The following CCDC18 variants were observed in gnomAD, a reference collection of about 807,000 sequenced individuals.
CCDC18 encodes the protein coiled-coil domain containing 18, also known as coiled-coil domain-containing protein 18.
CCDC18 carries 157 observed loss-of-function variants against 196.0 expected under a neutral mutation model. The ratio of observed to expected loss-of-function variants is 0.80; its 90% CI spans 0.70 to 0.91. The LOEUF is 0.91. CCDC18 is among the 40% of genes least tolerant of loss of function. The pLI is 0.00. For synonymous variants in CCDC18, 482 were observed against 529.2 expected (o/e 0.91, Z 1.22); for missense variants, 1,465 against 1,611.6 (o/e 0.91, Z 1.56).
chr1:93,253,184 C>T (rs1005300684), intron 23 of CCDC18, among the ~76,000 whole-genome samples: 4 of 152,184 alleles, frequency 2.6e-5, no homozygotes, highest in Admixed American at 6.5e-5. Flanking sequence ...ATTTCCCCAA[C>T]GACAGTGTGA....
chr1:93,278,630 A>T lies in CCDC18; in HGVS notation c.*153A>T, dbSNP rs1448473265. ...TTAAAAGAAAGCCCTTCTAAAACTTAATTATATTTTTAAAGAAAATTTATT... is the reference window on the plus strand; with the variant it reads ...TTAAAAGAAAGCCCTTCTAAAACTTTATTATATTTTTAAAGAAAATTTATT... On this transcript the variant is annotated 3_prime_UTR_variant, in exon 29 of 29. Coordinates refer to ENST00000690025, the MANE Select transcript of CCDC18 (RefSeq NM_001378204.1). 1.1e-5 allele frequency: 4 copies of T among 352,414 alleles called. No homozygotes were observed. Among genetic ancestry groups the T allele is most frequent in the African/African-American group, 2.1e-5 (1 of 46,950 alleles). 21.8% of individuals were successfully genotyped at this position (352,414 alleles called of 1,614,324 possible).
intron 7 of CCDC18, 126 bp downstream of exon 7, chr1:93,202,114 T>C (rs1190338557): frequency 5.5e-6 from 3 of 547,600 alleles, no homozygotes; most frequent in African/African-American, 3.9e-5. Context: ...TACAAAATCA[T>C]TTAAATAAAC....
Position 93,183,385 on chromosome 1 carries a change from C to G in CCDC18, c.24C>G (p.Tyr8Ter), listed in dbSNP as rs1650067481. 6.3e-7 allele frequency: 1 copy of G among 1,587,264 alleles called. No individual in the cohort carries two copies. The highest frequency in any genetic ancestry group is 1.7e-5 in the Admixed American group (1 of 57,792). ...AAATGGAATCTAGTTCATCAGACTACTATAATAAAGACAATGAAGAGGAAA... is the reference window on the plus strand; with the variant it reads ...AAATGGAATCTAGTTCATCAGACTAGTATAATAAAGACAATGAAGAGGAAA... MESSSSD[Y>*]YNKDNEEESL... The change falls in exon 2 of 29, where the codon TAC becomes TAG. Residue 8 changes from tyrosine to a stop codon, truncating the protein, a stop_gained. Transcript: ENST00000690025. LOFTEE classifies it high-confidence loss of function.
intron 23 of CCDC18, among the ~76,000 whole-genome samples, chr1:93,252,776 C>T (rs1320277364): frequency 6.6e-6 from 1 of 152,224 alleles, no homozygotes; most frequent in Non-Finnish European, 1.5e-5. Context: ...GGAGGCCCTT[C>T]CAGGAATTTA....
chr1:93,180,228 G>A, upstream of CCDC18: 1 of 1,611,424 alleles, frequency 6.2e-7, no homozygotes, highest in Non-Finnish European at 8.5e-7. Context: ...AGGGCAGCCA[G>A]ATCTTGTCGC....
At chr1:93,273,433 G>A (rs1037516114) in intron 28 of CCDC18, 1 of 152,156 alleles carries the variant, frequency 6.6e-6, no homozygotes, top group Admixed American at 6.5e-5. Flanking sequence ...TAAGATATTG[G>A]ATATTTAAGA....
rs758184693 is a variant in CCDC18, at chr1:93,201,927, C to A, written c.734C>A (p.Ala245Asp). The change falls in exon 7 of 29, where the codon GCC becomes GAC. Residue 245 changes from alanine (A) to aspartate (D), a missense_variant. Transcript: ENST00000690025. Reference protein sequence around the residue: ...ERQRNEALYNAEELSKAFQQY... With the variant: ...ERQRNEALYNDEELSKAFQQY... ...CAAAGGAATGAAGCACTATATAATG[C>A]CGAAGAGCTGAGTAAAGCTTTCCAA... 20 of 1,607,362 alleles carry A rather than the reference C, an allele frequency of 1.2e-5. No individual in the cohort carries two copies.
chr1:93,218,456 G>A (rs1656855468), intron 14 of CCDC18, among the ~76,000 whole-genome samples: 1 of 151,956 alleles, frequency 6.6e-6, no homozygotes, highest in Admixed American at 6.6e-5. Context: ...TAAAAGTTAT[G>A]TGAAAACTTG....
At chr1:93,256,615 G>T in intron 25 of CCDC18, 77 bp downstream of exon 25, 4 of 1,198,870 alleles carry the variant, frequency 3.3e-6, no homozygotes, top group Non-Finnish European at 4.8e-6. Flanking sequence ...GTAGAATATA[G>T]TTCTTTCAAA....
intron 23 of CCDC18, among the ~76,000 whole-genome samples, chr1:93,248,164 A>G (rs1246732244): frequency 6.6e-6 from 1 of 151,104 alleles, no homozygotes; most frequent in Admixed American, 6.6e-5. Flanking sequence ...ACAGGTGCCC[A>G]CCACCACGCT....
chr1:93,216,694 T>C lies in CCDC18; in HGVS notation c.1778T>C (p.Val593Ala). 6.3e-7 allele frequency: 1 copy of C among 1,589,092 alleles called. No homozygotes were observed. The highest frequency in any genetic ancestry group is 8.5e-7 in the Non-Finnish European group (1 of 1,170,318). The change falls in exon 13 of 29, where the codon GTT becomes GCT. Residue 593 changes from valine (V) to alanine (A), a missense_variant. Val to Ala is a moderately conservative substitution (Grantham distance 64, BLOSUM62 0). Transcript: ENST00000690025. ...TLEKQLEEKI[V>A]AYSSIAAKNA... is the part of the protein sequence containing the mutation. ...GAGAAACAGCTGGAAGAAAAGATAG[T>C]TGCTTATTCCTCTATTGCTGCAAAA...
At chr1:93,234,376 G>C (rs941572610) in intron 18 of CCDC18, among the ~76,000 whole-genome samples, 1 of 151,918 alleles carries the variant, frequency 6.6e-6, no homozygotes, top group African/African-American at 2.4e-5. Context: ...TGGCCAGGAT[G>C]GTCTTGATCT....
intron 7 of CCDC18, among the ~76,000 whole-genome samples, chr1:93,202,874 G>A (rs1266810132): frequency 3.9e-5 from 6 of 152,180 alleles, no homozygotes; most frequent in African/African-American, 1.2e-4. Flanking sequence ...ATAAGAGGTA[G>A]GTGTGGTAGG....
intron 27 of CCDC18, among the ~76,000 whole-genome samples, chr1:93,265,928 T>A (rs1664444262): frequency 6.6e-6 from 1 of 152,104 alleles, no homozygotes; most frequent in African/African-American, 2.4e-5. Flanking sequence ...TGAACTCAGC[T>A]CTGCACCAAG....
chr1:93,212,084 C>T lies in CCDC18; in HGVS notation c.1335-17C>T, dbSNP rs764645173. The T allele has an allele frequency of 1.4e-5, 22 of 1,583,838 alleles. No individual in the cohort carries two copies. Among genetic ancestry groups the T allele is most frequent in the Non-Finnish European group, 1.6e-5 (19 of 1,170,110 alleles). On this transcript the variant is annotated splice_polypyrimidine_tract_variant and intron_variant, in intron 10 of 28. Coordinates refer to ENST00000690025, the MANE Select transcript of CCDC18 (RefSeq NM_001378204.1). ...GAATCTTTCTAATAATTTTTCCCTT[C>T]TTTTCTTTTGTGCCAGAATTAAGCT...
intron 11 of CCDC18, among the ~76,000 whole-genome samples, chr1:93,213,233 T>C (rs1036341652): frequency 1.3e-5 from 2 of 151,970 alleles, no homozygotes; most frequent in South Asian, 4.2e-4. Context: ...GGCCCAGGGG[T>C]TGGGGACCCC....
intron 26 of CCDC18, among the ~76,000 whole-genome samples, chr1:93,261,418 T>G (rs1392678214): frequency 1.3e-5 from 2 of 152,202 alleles, no homozygotes; most frequent in Admixed American, 1.3e-4. Flanking sequence ...GACCATTTTC[T>G]TTATCTAAAA....
At chr1:93,190,676 C>CTT (rs199651874) in intron 4 of CCDC18, 164 of 306,404 alleles carry the variant, frequency 5.4e-4, no homozygotes, top group Middle Eastern at 1.9e-3. Context: ...TTTTCTTTCC[C>CTT]TTTTTTTTTT....
At chr1:93,276,597 G>GA (rs1023197250) in intron 28 of CCDC18, among the ~76,000 whole-genome samples, 45 of 150,168 alleles carry the variant, frequency 3.0e-4, no homozygotes, top group South Asian at 2.9e-3. Context: ...AAACAAAGAT[G>GA]AAAAAAAAAT....
Sources: gnomAD v4.1 joint callset for allele counts (sites outside exome capture counted in the v4.1 genomes callset) on GRCh38, gnomAD v4.1.1 for gene constraint, MANE v1.5 for transcripts, NCBI Gene and HGNC (gene_info 2026-07-23, HGNC 2026-07-21) for gene names.